The following ARHGEF12 variants were observed in gnomAD, a reference collection of about 807,000 sequenced individuals.
ARHGEF12 encodes the protein Rho guanine nucleotide exchange factor 12.
Under a neutral mutation model 211.2 loss-of-function variants are expected in ARHGEF12, and 66 were observed. That is an observed-to-expected ratio of 0.31 (90% CI 0.26 to 0.38). The LOEUF (loss-of-function observed/expected upper bound fraction) is 0.38. Among genes scored for constraint, ARHGEF12 ranks in the 10% least tolerant of loss-of-function variants. The pLI is 1.00. For missense variants in ARHGEF12, 1,429 were observed against 1,869.5 expected, an observed-to-expected ratio of 0.76 and a Z score of 4.34; for synonymous variants, 592 against 638.4, an observed-to-expected ratio of 0.93 and a Z score of 1.09.
At chr11:120,483,411 C>G (rs1486269105) in intron 39 of ARHGEF12, among the ~76,000 whole-genome samples, 1 of 150,010 alleles carries the variant, frequency 6.7e-6, no homozygotes, top group East Asian at 2.0e-4. Flanking sequence ...CAGGCACCAC[C>G]ACCATGCCCA....
intron 1 of ARHGEF12, among the ~76,000 whole-genome samples, chr11:120,397,011 AAT>A (rs2135526093): frequency 6.6e-6 from 1 of 152,356 alleles, no homozygotes; most frequent in East Asian, 1.9e-4. Context: ...TTAGTCTTCC[AAT>A]GTGTTGGTGT....
intron 1 of ARHGEF12, among the ~76,000 whole-genome samples, chr11:120,373,131 G>A (rs1943634051): frequency 6.6e-6 from 1 of 152,040 alleles, no homozygotes; most frequent in Admixed American, 6.5e-5. Flanking sequence ...AACCTTCACT[G>A]ACCTGTTACC....
At chr11:120,442,412 T>TTA (rs753610695) in intron 15 of ARHGEF12, among the ~76,000 whole-genome samples, 2,050 of 145,042 alleles carry the variant, frequency 0.014, 20 homozygotes, top group African/African-American at 0.026. Context: ...TTTTAGGGGA[T>TTA]TATATATATA....
Position 120,376,017 on chromosome 11 carries a change from T to C in ARHGEF12, c.33-30101T>C, listed in dbSNP as rs967138339. 3.3e-5 allele frequency among the ~76,000 whole-genome samples: 5 copies of C among 152,144 alleles called. No individual in the cohort carries two copies. The South Asian group carries it at 1.0e-3, about 31-fold the overall frequency. ...GTAAAGTGACATCTTCATCAACTCA[T>C]GCCAAGGGTACTTACCGCTAACATG... On this transcript the variant is annotated intron_variant, in intron 1 of 40. Transcript: ENST00000397843.
chr11:120,377,966 A>G (rs957940298), intron 1 of ARHGEF12, among the ~76,000 whole-genome samples: 4 of 151,652 alleles, frequency 2.6e-5, no homozygotes, highest in Non-Finnish European at 2.9e-5. Flanking sequence ...GGGTCTCACT[A>G]TGTTGTCCAG....
At chr11:120,342,469 G>A (rs940115292) in intron 1 of ARHGEF12, among the ~76,000 whole-genome samples, 2 of 152,062 alleles carry the variant, frequency 1.3e-5, no homozygotes, top group Admixed American at 6.6e-5. Flanking sequence ...TGTTTCAGAC[G>A]GTTATTCATT....
At chr11:120,428,542 G>A (rs1945424558) in intron 8 of ARHGEF12, among the ~76,000 whole-genome samples, 5 of 152,098 alleles carry the variant, frequency 3.3e-5, no homozygotes, top group Admixed American at 3.3e-4. Flanking sequence ...TTTTAGGAGG[G>A]CGGGGATTTT....
chr11:120,396,121 G>A (rs1054776506), intron 1 of ARHGEF12, among the ~76,000 whole-genome samples: 3 of 152,120 alleles, frequency 2.0e-5, no homozygotes, highest in Admixed American at 6.6e-5. Flanking sequence ...AAACAGAAGG[G>A]TGAGAGCATG....
Position 120,365,521 on chromosome 11 carries a change from T to C in ARHGEF12, c.32+28246T>C, listed in dbSNP as rs371958187. 10 of 152,216 alleles carry C rather than the reference T, an allele frequency of 6.6e-5. No homozygotes were observed. The East Asian group carries it at 1.3e-3, about 20-fold the overall frequency. The allele number at this position is 152,216 out of a possible 1,614,324, so 9.4% of individuals were successfully genotyped here. On this transcript the variant is annotated intron_variant, in intron 1 of 40. Coordinates refer to ENST00000397843, the MANE Select transcript of ARHGEF12 (RefSeq NM_015313.3). ...TACATTTGAGATGAAAGTTTGGCTC[T>C]TAAAAAATATTCTTATTTGGGGAAT...
chr11:120,373,916 C>G (rs1274949712), intron 1 of ARHGEF12, among the ~76,000 whole-genome samples: 1 of 152,120 alleles, frequency 6.6e-6, no homozygotes, highest in Non-Finnish European at 1.5e-5. Flanking sequence ...CAAGTGATTC[C>G]CCTGCCTCAG....
intron 1 of ARHGEF12, among the ~76,000 whole-genome samples, chr11:120,363,180 G>A (rs981474006): frequency 1.3e-5 from 2 of 152,192 alleles, no homozygotes; most frequent in Non-Finnish European, 2.9e-5. Flanking sequence ...TACATAAGTT[G>A]AAATAAAGTT....
At chr11:120,399,852 T>G (rs572947008) in intron 1 of ARHGEF12, among the ~76,000 whole-genome samples, 2 of 152,302 alleles carry the variant, frequency 1.3e-5, no homozygotes, top group South Asian at 4.1e-4. Context: ...GAATTTAAAT[T>G]TTGAGTAGTA....
intron 1 of ARHGEF12, among the ~76,000 whole-genome samples, chr11:120,354,395 G>C (rs1191985722): frequency 1.3e-5 from 2 of 152,114 alleles, no homozygotes; most frequent in African/African-American, 4.8e-5. Flanking sequence ...TCACATTCCA[G>C]CTTGACACTA....
intron 39 of ARHGEF12, among the ~76,000 whole-genome samples, chr11:120,482,020 A>G (rs1358763934): frequency 6.6e-6 from 1 of 152,058 alleles, no homozygotes; most frequent in Non-Finnish European, 1.5e-5. Context: ...CGGCCTCCCA[A>G]AGTACTGGGA....
chr11:120,427,618 G>A (rs888774971), intron 7 of ARHGEF12, among the ~76,000 whole-genome samples: 2 of 151,272 alleles, frequency 1.3e-5, no homozygotes, highest in African/African-American at 2.4e-5. Context: ...GCTGCAGTGA[G>A]CTGAGATCGT....
intron 28 of ARHGEF12, 65 bp from the exon 29 acceptor site, chr11:120,467,129 A>C: frequency 9.9e-7 from 1 of 1,014,120 alleles, no homozygotes; most frequent in Non-Finnish European, 1.5e-6. Flanking sequence ...CCTCACGGTG[A>C]ATACATGGTA....
Position 120,447,042 on chromosome 11 carries a change from C to A in ARHGEF12, c.1546C>A (p.Arg516=). The A allele has an allele frequency of 6.2e-7, 1 of 1,614,068 alleles. No individual in the cohort carries two copies. The highest frequency in any genetic ancestry group is 8.5e-7 in the Non-Finnish European group (1 of 1,179,996). Residue 516 remains arginine (R), a synonymous_variant, in exon 18 of 41, where the codon CGG becomes AGG. Transcript: ENST00000397843. ...GGACCGATTGACTTTGGAGAAGGAGCGGACATGTGCAGAACAGATTGTTGC... is the reference window on the plus strand; with the variant it reads ...GGACCGATTGACTTTGGAGAAGGAGAGGACATGTGCAGAACAGATTGTTGC... ...DKDRLTLEKE[R]TCAEQIVAKI... is the part of the protein sequence containing the mutation.
At chr11:120,388,006 A>G (rs983584709) in intron 1 of ARHGEF12, among the ~76,000 whole-genome samples, 1 of 152,188 alleles carries the variant, frequency 6.6e-6, no homozygotes, top group African/African-American at 2.4e-5. Flanking sequence ...TATATACACG[A>G]TTAGGAAACT....
intron 21 of ARHGEF12, chr11:120,450,282 T>C (rs913066563): frequency 6.7e-6 from 1 of 149,528 alleles, no homozygotes; most frequent in African/African-American, 2.5e-5. Context: ...GCTGAGGTAG[T>C]ATTGCTTTAG....
Sources: gnomAD v4.1 joint callset for allele counts (sites outside exome capture counted in the v4.1 genomes callset) on GRCh38, gnomAD v4.1.1 for gene constraint, MANE v1.5 for transcripts, NCBI Gene and HGNC (gene_info 2026-07-23, HGNC 2026-07-21) for gene names.